The following FSCN3 variants were observed in gnomAD, a reference collection of about 807,000 sequenced individuals.
FSCN3 encodes fascin-3.
In FSCN3, 43 loss-of-function variants were observed where a neutral mutation model predicts 53.5. That is an observed-to-expected ratio of 0.80 (90% CI 0.63 to 1.04). FSCN3 has a LOEUF of 1.04. Among genes scored for constraint, FSCN3 ranks in the 50% least tolerant of loss-of-function variants. The probability of loss-of-function intolerance (pLI) is 0.00; values close to 1 mark genes in which losing one functional copy is unlikely to be tolerated. For missense variants in FSCN3, 594 were observed against 646.5 expected, an observed-to-expected ratio of 0.92 and a Z score of 0.88; for synonymous variants, 235 against 246.6, an observed-to-expected ratio of 0.95 and a Z score of 0.44.
chr7:127,598,708 G>A (rs989866895), intron 4 of FSCN3, 114 bp downstream of exon 4: 38 of 876,314 alleles, frequency 4.3e-5, no homozygotes, highest in Non-Finnish European at 6.2e-5. Flanking sequence ...GCTCATGCCT[G>A]TAATCCCAGC....
chr7:127,594,913 G>A (rs546885074), intron 1 of FSCN3: 79 of 477,956 alleles, frequency 1.7e-4, no homozygotes, highest in African/African-American at 1.3e-3. Context: ...GGGGATGGAG[G>A]TATTGGCTAA....
At chr7:127,600,963 C>T (rs1433354461) in intron 6 of FSCN3, among the ~76,000 whole-genome samples, 1 of 152,200 alleles carries the variant, frequency 6.6e-6, no homozygotes, top group African/African-American at 2.4e-5. Flanking sequence ...GCCTGCTCAT[C>T]TTCCCTTCCT....
At chr7:127,598,633 A>C in intron 4 of FSCN3, 39 bp downstream of exon 4, 1 of 1,541,308 alleles carries the variant, frequency 6.5e-7, no homozygotes, top group Non-Finnish European at 8.8e-7. Context: ...ATTCCAAGTC[A>C]GGGAGAACTT....
intron 5 of FSCN3, among the ~76,000 whole-genome samples, chr7:127,599,861 C>A (rs1042782830): frequency 6.6e-6 from 1 of 150,746 alleles, no homozygotes; most frequent in African/African-American, 2.4e-5. Flanking sequence ...AGGAGAATGG[C>A]GTGAACCCAG....
chr7:127,598,080 T>C (rs1794418038), intron 3 of FSCN3, among the ~76,000 whole-genome samples: 1 of 152,270 alleles, frequency 6.6e-6, no homozygotes, highest in African/African-American at 2.4e-5. Flanking sequence ...TACCCCAAAG[T>C]TGCAAAGAAC....
chr7:127,601,300 G>T (rs1794471546), intron 6 of FSCN3, among the ~76,000 whole-genome samples: 1 of 152,254 alleles, frequency 6.6e-6, no homozygotes, highest in African/African-American at 2.4e-5. Context: ...ATAACGTGGC[G>T]CTTCCCTTCC....
chr7:127,601,346 T>G (rs560590316), intron 6 of FSCN3, among the ~76,000 whole-genome samples: 1 of 152,350 alleles, frequency 6.6e-6, no homozygotes, highest in South Asian at 2.1e-4. Flanking sequence ...GGCACCTTGT[T>G]GCTCTTTGTC....
chr7:127,594,160 CTGTGTGTGTGTG>C (rs749215425), intron 1 of FSCN3, among the ~76,000 whole-genome samples, 163 bp downstream of exon 1: 6 of 89,238 alleles, frequency 6.7e-5, no homozygotes, highest in East Asian at 6.6e-4. Context: ...AGTGGCCAAG[CTGTGTGTGTGTG>C]TGTGTGTGTG....
Position 127,600,334 on chromosome 7 carries a change from G to A in FSCN3, c.1432G>A (p.Asp478Asn), listed in dbSNP as rs141291522. ...CCCCAATGGCTTCTACATGCGAGCC[G>A]ACCAAAGTGGCACCCTGTTGGCAGA... Reference protein sequence around the residue: ...LAPNGFYMRADQSGTLLADSE... With the variant: ...LAPNGFYMRANQSGTLLADSE... Residue 478 changes from aspartate to asparagine, a missense_variant, in exon 6 of 7, where the codon GAC becomes AAC. Physicochemically the swap from Asp to Asn is conservative, Grantham distance 23. Transcript: ENST00000265825. The A allele has an allele frequency of 8.1e-6, 13 of 1,613,470 alleles. No individual in the cohort carries two copies. The East Asian group carries it at 8.9e-5, about 11-fold the overall frequency.
intron 1 of FSCN3, chr7:127,594,516 G>A (rs1469602647): frequency 4.2e-6 from 2 of 470,892 alleles, no homozygotes; most frequent in Middle Eastern, 3.3e-4. Flanking sequence ...GTGTCAGAAA[G>A]AAGAGAAGTG....
chr7:127,593,756 G>A lies in FSCN3; in HGVS notation c.-98G>A. The A allele has an allele frequency of 7.5e-7, 1 of 1,326,862 alleles. No homozygotes were observed. The allele number at this position is 1,326,862 out of a possible 1,614,324, so 82.2% of individuals were successfully genotyped here. A position where few individuals can be genotyped will look rare whatever the true frequency, so the allele number is the denominator to read the frequency against. ...AAGTTCTCTCTGGGAACATCTGGTG[G>A]GTACTACAGGCCCTATTCCAGGCCC... On this transcript the variant is annotated 5_prime_UTR_variant, in exon 1 of 7. Coordinates refer to ENST00000265825, the MANE Select transcript of FSCN3 (RefSeq NM_020369.3).
At chr7:127,598,391 T>C in intron 3 of FSCN3, 44 bp from the exon 4 acceptor site, 1 of 1,576,036 alleles carries the variant, frequency 6.3e-7, no homozygotes, top group Non-Finnish European at 8.7e-7. Context: ...AAGCTGAGAT[T>C]GTCAGTCCTT....
intron 1 of FSCN3, chr7:127,594,556 G>A (rs190396933): frequency 5.9e-5 from 28 of 471,174 alleles, no homozygotes; most frequent in African/African-American, 5.2e-4. Flanking sequence ...GTCAGAAAGA[G>A]GAGAAGTGGA....
chr7:127,599,533 GGTAT>G lies in FSCN3; in HGVS notation c.1274_1277del (p.Gly425AlafsTer14). ...CATTCATCTACTACCCTGCCGACCG[GGTAT>G]CTACCACTTCCAGGGTGAGTGGCTC... is the stretch of plus-strand genomic sequence containing the variant. On this transcript the variant is annotated frameshift_variant, in exon 5 of 7. Transcript: ENST00000265825. LOFTEE classifies it high-confidence loss of function. The G allele has an allele frequency of 6.2e-7, 1 of 1,613,956 alleles. No homozygotes were observed. The highest frequency in any genetic ancestry group is 8.5e-7 in the Non-Finnish European group (1 of 1,179,948).
Position 127,593,857 on chromosome 7 carries a change from G to C in FSCN3, c.4G>C (p.Asp2His). Reference protein sequence around the residue: MDETEWIHRHPK... With the variant: MHETEWIHRHPK... ...CATCACCTGTGGTGTCAGCCCCATG[G>C]ATGAGACAGAGTGGATACACAGACA... Residue 2 changes from aspartate (D) to histidine (H), a missense_variant, in exon 1 of 7, where the codon GAT becomes CAT. Coordinates refer to ENST00000265825, the MANE Select transcript of FSCN3 (RefSeq NM_020369.3). The C allele has an allele frequency of 6.4e-7, 1 of 1,565,808 alleles. No individual in the cohort carries two copies. Among genetic ancestry groups the C allele is most frequent in the Non-Finnish European group, 8.7e-7 (1 of 1,154,830 alleles).
At chr7:127,596,900 C>T (rs1388487854) in intron 3 of FSCN3, among the ~76,000 whole-genome samples, 1 of 152,260 alleles carries the variant, frequency 6.6e-6, no homozygotes, top group African/African-American at 2.4e-5. Context: ...CCAGCTACCA[C>T]TGATCTGTGT....
intron 4 of FSCN3, 71 bp downstream of exon 4, chr7:127,598,665 T>C: frequency 7.4e-7 from 1 of 1,351,248 alleles, no homozygotes. Flanking sequence ...GGAATATGAT[T>C]GTTAAAAAGA....
Position 127,595,367 on chromosome 7 carries a change from G to C in FSCN3, c.205G>C (p.Val69Leu), listed in dbSNP as rs375801404. The C allele has an allele frequency of 2.5e-6, 4 of 1,613,998 alleles. No individual in the cohort carries two copies. The African/African-American group carries it at 5.3e-5, about 22-fold the overall frequency. Residue 69 changes from valine to leucine, a missense_variant, in exon 2 of 7, where the codon GTG becomes CTG. Val to Leu is a conservative substitution (Grantham distance 32). Coordinates refer to ENST00000265825, the MANE Select transcript of FSCN3 (RefSeq NM_020369.3). Reference sequence around the variant, plus strand: ...ACAGGCCGTGGTGCGACTAAAGAGCGTGCAGGGCCTCTACCTGCTGTGTGA... The same window carrying C: ...ACAGGCCGTGGTGCGACTAAAGAGCCTGCAGGGCCTCTACCTGCTGTGTGA... Reference protein sequence around the residue: ...ETQAVVRLKSVQGLYLLCECD... With the variant: ...ETQAVVRLKSLQGLYLLCECD...
Position 127,595,721 on chromosome 7 carries a change from G to T in FSCN3, c.559G>T (p.Gly187Ter). Residue 187 changes from glycine (G) to a stop codon, truncating the protein, a stop_gained, in exon 2 of 7, where the codon GGA (glycine) becomes TGA (stop). Transcript: ENST00000265825. LOFTEE classifies it high-confidence loss of function. ...TGGCTTCCTGTTGCATTTCCGAGATGGATGCTACCACCTGGAGACCTCTAC... is the reference window on the plus strand; with the variant it reads ...TGGCTTCCTGTTGCATTTCCGAGATTGATGCTACCACCTGGAGACCTCTAC... ...ECGFLLHFRD[G>*]CYHLETSTHH... 1.2e-6 allele frequency: 2 copies of T among 1,613,516 alleles called. No homozygotes were observed. The highest frequency in any genetic ancestry group is 1.7e-6 in the Non-Finnish European group (2 of 1,179,758).
Sources: allele counts gnomAD v4.1 joint callset (sites outside exome capture counted in the v4.1 genomes callset), GRCh38; gene constraint gnomAD v4.1.1; transcripts MANE v1.5; gene names NCBI Gene and HGNC (gene_info 2026-07-23, HGNC 2026-07-21).